Variants in RGS5 observed in about 807,000 individuals in gnomAD.
RGS5 encodes the protein regulator of G protein signaling 5.
Under a neutral mutation model 18.9 loss-of-function variants are expected in RGS5, and 20 were observed. The ratio of observed to expected loss-of-function variants is 1.06; its 90% confidence interval spans 0.74 to 1.54. RGS5 has a LOEUF of 1.54. Among genes scored for constraint, RGS5 ranks in the 40% most tolerant of loss-of-function variants. The pLI is 0.00. For missense variants in RGS5, 201 were observed against 211.8 expected, an observed-to-expected ratio of 0.95 and a Z score of 0.32; for synonymous variants, 57 against 76.2, an observed-to-expected ratio of 0.75 and a Z score of 1.31.
chr1:163,186,029 G>T (rs1054901695), intron 1 of RGS5, among the ~76,000 whole-genome samples: 1 of 151,778 alleles, frequency 6.6e-6, no homozygotes, highest in Non-Finnish European at 1.5e-5. Context: ...ATTCTAACTG[G>T]CAGTTATATG....
At chr1:163,309,999 G>A (rs886103914) in intron 1 of RGS5, among the ~76,000 whole-genome samples, 4 of 152,192 alleles carry the variant, frequency 2.6e-5, no homozygotes, top group Admixed American at 1.3e-4. Flanking sequence ...TTAATGAGCA[G>A]TAATATGAAA....
chr1:163,204,198 C>A (rs907111069), upstream of RGS5, among the ~76,000 whole-genome samples: 2 of 151,982 alleles, frequency 1.3e-5, no homozygotes, highest in Admixed American at 6.6e-5. Context: ...GTATTGTTTT[C>A]TGAAATTTTG....
chr1:163,307,487 A>G (rs550786404), intron 1 of RGS5, among the ~76,000 whole-genome samples: 5 of 152,172 alleles, frequency 3.3e-5, no homozygotes, highest in Non-Finnish European at 5.9e-5. Flanking sequence ...CAATACCCAA[A>G]AGATTTCTAG....
chr1:163,315,888 T>G (rs576210547), intron 1 of RGS5, among the ~76,000 whole-genome samples: 9 of 152,346 alleles, frequency 5.9e-5, no homozygotes, highest in East Asian at 1.9e-4. Flanking sequence ...GAACATTGTG[T>G]TCAATGTTTA....
intron 3 of RGS5, among the ~76,000 whole-genome samples, chr1:163,156,000 A>T (rs1464204738): frequency 6.6e-6 from 1 of 152,188 alleles, no homozygotes; most frequent in Admixed American, 6.5e-5. Context: ...GAACAAGATG[A>T]AAACACCTAT....
intron 1 of RGS5, among the ~76,000 whole-genome samples, chr1:163,170,457 T>C (rs945717525): frequency 6.6e-6 from 1 of 152,190 alleles, no homozygotes; most frequent in Non-Finnish European, 1.5e-5. Flanking sequence ...GAAGTTCACA[T>C]GGCAGCCAAA....
At chr1:163,180,241 GCTGGAATTA>G (rs1465902673) in intron 1 of RGS5, among the ~76,000 whole-genome samples, 2 of 152,170 alleles carry the variant, frequency 1.3e-5, no homozygotes, top group African/African-American at 4.8e-5. Flanking sequence ...CTCCTCAAGT[GCTGGAATTA>G]CAGGTGTGAA....
chr1:163,184,400 CAAA>C (rs34214775), intron 1 of RGS5, among the ~76,000 whole-genome samples: 16,101 of 104,946 alleles, frequency 0.15, 921 homozygotes, highest in East Asian at 0.23. Flanking sequence ...CCCATCCCTC[CAAA>C]AAAAAAAAAA....
intron 1 of RGS5, among the ~76,000 whole-genome samples, chr1:163,173,885 C>A (rs1658420696): frequency 6.6e-6 from 1 of 152,138 alleles, no homozygotes; most frequent in East Asian, 1.9e-4. Context: ...ACCAGCCTGG[C>A]CAAGATGGTG....
intron 2 of RGS5, among the ~76,000 whole-genome samples, chr1:163,277,630 C>A (rs1412723279): frequency 6.6e-6 from 1 of 152,098 alleles, no homozygotes. Flanking sequence ...AACCACTGTA[C>A]CCTTAATAAA....
intron 2 of RGS5, among the ~76,000 whole-genome samples, chr1:163,303,077 G>C (rs943878020): frequency 6.6e-6 from 1 of 152,106 alleles, no homozygotes. Flanking sequence ...GCTAGATTTT[G>C]AAAGAACACA....
At chr1:163,288,327 A>T (rs1178927949) in intron 2 of RGS5, among the ~76,000 whole-genome samples, 1 of 152,154 alleles carries the variant, frequency 6.6e-6, no homozygotes, top group Admixed American at 6.5e-5. Flanking sequence ...CAAAGTTTTG[A>T]CAATGTGGTA....
intron 2 of RGS5, among the ~76,000 whole-genome samples, chr1:163,256,039 G>C (rs940813670): frequency 1.3e-5 from 2 of 152,194 alleles, no homozygotes; most frequent in African/African-American, 2.4e-5. Context: ...CATTCCCTTT[G>C]AAAACTGGTA....
intron 1 of RGS5, among the ~76,000 whole-genome samples, chr1:163,194,296 C>T (rs1659473745): frequency 1.3e-5 from 2 of 152,102 alleles, no homozygotes; most frequent in African/African-American, 4.8e-5. Flanking sequence ...GAAAATTGCA[C>T]ATATGTAATT....
chr1:163,172,694 A>C, intron 1 of RGS5: 1 of 1,284,506 alleles, frequency 7.8e-7, no homozygotes. Context: ...GAGCATTATA[A>C]AGTTAAGAGT....
At chr1:163,231,073 C>T (rs916522550) in intron 2 of RGS5, among the ~76,000 whole-genome samples, 24 of 152,116 alleles carry the variant, frequency 1.6e-4, no homozygotes, top group Admixed American at 3.3e-4. Flanking sequence ...AGAGCGGAGG[C>T]GGAGTGAGAG....
chr1:163,162,104 AG>A (rs1416322931), intron 2 of RGS5, 128 bp from the exon 3 acceptor site: 1 of 655,094 alleles, frequency 1.5e-6, no homozygotes, highest in Non-Finnish European at 2.7e-6. Context: ...CCTCAGGACA[AG>A]GAAGTTTAAG....
At chr1:163,254,649 T>A (rs1467707051) in intron 2 of RGS5, among the ~76,000 whole-genome samples, 1 of 152,254 alleles carries the variant, frequency 6.6e-6, no homozygotes, top group East Asian at 1.9e-4. Flanking sequence ...AACTTTAGTT[T>A]AATTAGATCC....
chr1:163,269,982 G>A (rs953645986), intron 2 of RGS5, among the ~76,000 whole-genome samples: 1 of 152,050 alleles, frequency 6.6e-6, no homozygotes, highest in African/African-American at 2.4e-5. Flanking sequence ...AAACTCTAAA[G>A]AATTCACAGC....
Sources: allele counts gnomAD v4.1 joint callset (sites outside exome capture counted in the v4.1 genomes callset), GRCh38; gene constraint gnomAD v4.1.1; transcripts MANE v1.5; gene names NCBI Gene and HGNC (gene_info 2026-07-23, HGNC 2026-07-21).